The following VWA8 variants were observed in gnomAD, a reference collection of about 807,000 sequenced individuals.
The protein encoded by VWA8 is von Willebrand factor A domain-containing protein 8.
Under a neutral mutation model 241.5 loss-of-function variants are expected in VWA8, and 221 were observed. That is an observed-to-expected ratio of 0.91 (90% CI 0.82 to 1.02). The LOEUF (loss-of-function observed/expected upper bound fraction) is 1.02, where lower values mean the gene tolerates loss of function less well. Among genes scored for constraint, VWA8 ranks in the 50% least tolerant of loss-of-function variants. The pLI, the probability that VWA8 is intolerant of heterozygous loss-of-function variation, is 0.00. For synonymous variants in VWA8, 852 were observed against 827.1 expected (o/e 1.03, Z -0.52); for missense variants, 2,322 against 2,328.7 (o/e 1.00, Z 0.06).
chr13:41,761,924 T>C (rs2045743529), intron 20 of VWA8, among the ~76,000 whole-genome samples: 1 of 152,016 alleles, frequency 6.6e-6, no homozygotes, highest in African/African-American at 2.4e-5. Flanking sequence ...GGGGTGTAAA[T>C]CTTTTAACAA....
chr13:41,784,342 G>C (rs191326325), intron 18 of VWA8, among the ~76,000 whole-genome samples: 2 of 151,978 alleles, frequency 1.3e-5, no homozygotes, highest in Admixed American at 1.3e-4. Context: ...CAAAAATACA[G>C]ATGAACTAAC....
chr13:41,928,959 T>C (rs1876975499), intron 2 of VWA8, among the ~76,000 whole-genome samples: 1 of 152,102 alleles, frequency 6.6e-6, no homozygotes, highest in Non-Finnish European at 1.5e-5. Context: ...TGTCCATTAA[T>C]ATTGTGAAGA....
rs763940740 is a variant in VWA8 at position 41,761,118 on chromosome 13, A to C, written c.2426+10T>G. Reference sequence around the variant, plus strand: ...AGATTTTTAAGAGGTTGTGGGTCTAATAGTCTTACCTGTGTAGCTGAATAT... The same window carrying C: ...AGATTTTTAAGAGGTTGTGGGTCTACTAGTCTTACCTGTGTAGCTGAATAT... On this transcript the variant is annotated intron_variant, in intron 21 of 44. Transcript: ENST00000379310. 1.9e-6 allele frequency: 3 copies of C among 1,609,266 alleles called. No homozygotes were observed. In the East Asian group the frequency reaches 6.7e-5, roughly 36 times the overall value.
chr13:41,571,889 G>A (rs1331870720), intron 43 of VWA8, among the ~76,000 whole-genome samples: 1 of 151,762 alleles, frequency 6.6e-6, no homozygotes, highest in Non-Finnish European at 1.5e-5. Context: ...CCGCCATCCT[G>A]TCTAGGAAGT....
chr13:41,960,028 C>A (rs1411971601), intron 1 of VWA8, among the ~76,000 whole-genome samples: 1 of 152,184 alleles, frequency 6.6e-6, no homozygotes, highest in African/African-American at 2.4e-5. Context: ...TTGACAAAAT[C>A]TTGTCTGGAA....
intron 12 of VWA8, among the ~76,000 whole-genome samples, chr13:41,846,646 A>T (rs935997032): frequency 6.6e-6 from 1 of 152,244 alleles, no homozygotes; most frequent in Admixed American, 6.5e-5. Flanking sequence ...CAATTAAATG[A>T]CAGAAAATTC....
chr13:41,781,851 G>T (rs1868900875), intron 19 of VWA8, among the ~76,000 whole-genome samples: 1 of 152,216 alleles, frequency 6.6e-6, no homozygotes, highest in East Asian at 1.9e-4. Flanking sequence ...ATTAAATAAA[G>T]AAAACATAGG....
At chr13:41,688,701 C>A (rs1008163434) in intron 34 of VWA8, among the ~76,000 whole-genome samples, 16 of 151,962 alleles carry the variant, frequency 1.1e-4, no homozygotes, top group Admixed American at 2.0e-4. Context: ...TAATGACAAT[C>A]CAACAAATTT....
At chr13:41,842,806 T>TTTGGA (rs1872119208) in intron 12 of VWA8, among the ~76,000 whole-genome samples, 1 of 152,206 alleles carries the variant, frequency 6.6e-6, no homozygotes, top group Non-Finnish European at 1.5e-5. Flanking sequence ...TTAAAGTCTG[T>TTTGGA]GCAGCTAGAG....
At chr13:41,691,291 T>G in intron 32 of VWA8, 29 bp downstream of exon 32, 1 of 1,605,316 alleles carries the variant, frequency 6.2e-7, no homozygotes, top group Admixed American at 1.7e-5. Flanking sequence ...TACAACATAC[T>G]CCATGATACA....
At chr13:41,874,593 T>G (rs1873809276) in intron 9 of VWA8, among the ~76,000 whole-genome samples, 1 of 152,128 alleles carries the variant, frequency 6.6e-6, no homozygotes, top group Non-Finnish European at 1.5e-5. Context: ...CTAATACACT[T>G]TCTTTAGAAT....
At position 41,856,282 on chromosome 13, in the gene VWA8, G is replaced by A. The variant is rs184313870; in HGVS notation, c.1425+9454C>T. On this transcript the variant is annotated intron_variant, in intron 12 of 44. Coordinates refer to ENST00000379310, the MANE Select transcript of VWA8 (RefSeq NM_015058.2). ...ATCCGGGAGGCAGACACTACAGTGAGCTGAGATCGCACCACCGCACTCTAG... is the reference window on the plus strand; with the variant it reads ...ATCCGGGAGGCAGACACTACAGTGAACTGAGATCGCACCACCGCACTCTAG... Among the ~76,000 whole-genome samples the A allele has an allele frequency of 2.9e-4, 44 of 152,294 alleles. No individual in the cohort carries two copies. In the East Asian group the frequency reaches 8.1e-3, roughly 28 times the overall value.
At chr13:41,645,965 A>AT (rs66526705) in intron 37 of VWA8, among the ~76,000 whole-genome samples, 5,834 of 136,502 alleles carry the variant, frequency 0.043, 281 homozygotes, top group African/African-American at 0.11. Flanking sequence ...AATTTTCCTG[A>AT]TTTTTTTTTT....
chr13:41,573,486 A>AATAAATAAATATATATATATATATAT (rs1555303591), intron 43 of VWA8, among the ~76,000 whole-genome samples: 1 of 113,614 alleles, frequency 8.8e-6, no homozygotes, highest in African/African-American at 3.4e-5. Flanking sequence ...AAAAAAAAAA[A>AATAAATAAATATATATATATATATAT]ATATATATAT....
intron 10 of VWA8, among the ~76,000 whole-genome samples, 187 bp downstream of exon 10, chr13:41,868,159 C>G (rs1228819860): frequency 6.6e-6 from 1 of 152,054 alleles, no homozygotes; most frequent in East Asian, 1.9e-4. Context: ...AAAGGCTTTC[C>G]CTATGTTTCT....
chr13:41,570,939 C>T (rs1379657017), intron 43 of VWA8, among the ~76,000 whole-genome samples: 2 of 152,110 alleles, frequency 1.3e-5, no homozygotes, highest in African/African-American at 2.4e-5. Context: ...AAAATTATCA[C>T]AGTGGGCACT....
chr13:41,849,926 C>T (rs1158285659), intron 12 of VWA8, among the ~76,000 whole-genome samples: 1 of 151,894 alleles, frequency 6.6e-6, no homozygotes, highest in Non-Finnish European at 1.5e-5. Context: ...AGAAGTGCTG[C>T]CTAATGGAGA....
At chr13:41,580,824 A>G (rs891003146) in intron 42 of VWA8, among the ~76,000 whole-genome samples, 3 of 152,150 alleles carry the variant, frequency 2.0e-5, no homozygotes, top group African/African-American at 7.2e-5. Context: ...TAAAACAAAA[A>G]GGTTGGTGAA....
intron 37 of VWA8, among the ~76,000 whole-genome samples, chr13:41,617,536 C>T (rs1451610275): frequency 2.6e-5 from 4 of 151,982 alleles, no homozygotes; most frequent in South Asian, 2.1e-4. Context: ...ATGTGCACAA[C>T]GTGCAGGTTT....
Sources: allele counts gnomAD v4.1 joint callset (sites outside exome capture counted in the v4.1 genomes callset), GRCh38; gene constraint gnomAD v4.1.1; transcripts MANE v1.5; gene names NCBI Gene and HGNC (gene_info 2026-07-23, HGNC 2026-07-21).